Variants in SP140 observed in about 807,000 individuals in gnomAD.
SP140 encodes SP140 nuclear body protein.
SP140 carries 81 observed loss-of-function variants against 125.0 expected under a neutral mutation model. The observed-to-expected ratio is 0.65, with a 90% CI of 0.54 to 0.78. SP140 has a LOEUF of 0.78. Among genes scored for constraint, SP140 ranks in the 30% least tolerant of loss-of-function variants. SP140 has a pLI of 0.00. For missense variants in SP140, 858 were observed against 1,037.0 expected, an observed-to-expected ratio of 0.83 and a Z score of 2.37; for synonymous variants, 312 against 354.0, an observed-to-expected ratio of 0.88 and a Z score of 1.33.
At chr2:230,197,227 T>C in the SP140 span, among the ~76,000 whole-genome samples, 10 of 150,194 alleles carry the variant, frequency 6.7e-5, no homozygotes, top group Non-Finnish European at 1.5e-4. Context: ...TTTTTAATGA[T>C]TGCCATTCTA....
intron 6 of SP140, among the ~76,000 whole-genome samples, 186 bp from the exon 7 acceptor site, chr2:230,245,677 A>AGAGAG (rs1407922269): frequency 6.6e-6 from 1 of 152,012 alleles, no homozygotes; most frequent in Admixed American, 6.6e-5. Flanking sequence ...AAAGAAGGAG[A>AGAGAG]GAGAGGGAGA....
chr2:230,259,904 C>A (rs1291910748), intron 12 of SP140, among the ~76,000 whole-genome samples: 1 of 151,684 alleles, frequency 6.6e-6, no homozygotes, highest in Non-Finnish European at 1.5e-5. Flanking sequence ...TATAAACATG[C>A]ATGTGCAAGT....
chr2:230,272,228 A>G (rs1413651400), intron 15 of SP140, among the ~76,000 whole-genome samples: 3 of 152,200 alleles, frequency 2.0e-5, no homozygotes, highest in Non-Finnish European at 4.4e-5. Context: ...TAGAATTCAC[A>G]TGGAACCAAA....
chr2:230,226,762 C>CAA (rs11323886), intron 1 of SP140, among the ~76,000 whole-genome samples: 1 of 94,262 alleles, frequency 1.1e-5, no homozygotes, highest in Admixed American at 1.2e-4. Flanking sequence ...AATTCCATCT[C>CAA]AAAAAAAAAA....
At chr2:230,282,589 G>A (rs2055747300) in intron 15 of SP140, among the ~76,000 whole-genome samples, 4 of 152,036 alleles carry the variant, frequency 2.6e-5, no homozygotes. Context: ...TTGAGGTCAG[G>A]AGTTCAAAAA....
At chr2:230,195,835 T>C in the SP140 span, among the ~76,000 whole-genome samples, 2 of 152,026 alleles carry the variant, frequency 1.3e-5, no homozygotes, top group African/African-American at 4.8e-5. Flanking sequence ...CCCGACACTA[T>C]TAAAGCAAAA....
intron 22 of SP140, among the ~76,000 whole-genome samples, chr2:230,307,174 A>G (rs73106397): frequency 0.03 from 4,522 of 152,248 alleles, 197 homozygotes; most frequent in African/African-American, 0.095. Context: ...TGAGGGCTGA[A>G]CACTCGTCAG....
intron 22 of SP140, among the ~76,000 whole-genome samples, chr2:230,297,792 A>AG (rs1035174577): frequency 2.0e-5 from 3 of 152,208 alleles, no homozygotes; most frequent in Non-Finnish European, 2.9e-5. Context: ...CCTGGTGATT[A>AG]GGGGGAAGGA....
intron 15 of SP140, among the ~76,000 whole-genome samples, chr2:230,274,595 T>C (rs377360736): frequency 6.6e-6 from 1 of 152,074 alleles, no homozygotes; most frequent in Non-Finnish European, 1.5e-5. Context: ...TTTCCAACCC[T>C]CAGAATTATG....
Position 230,237,139 on chromosome 2 carries a change from C to T in SP140, c.116C>T (p.Pro39Leu), listed in dbSNP as rs1266076179. 6.2e-7 allele frequency: 1 copy of T among 1,613,162 alleles called. No individual in the cohort carries two copies. The highest frequency in any genetic ancestry group is 1.3e-5 in the African/African-American group (1 of 74,846). ...CAGAACCTGCAGGAGCAGGTTTGCCCTGAGCCCATTTTCAGGTTCTTCAGA... is the reference window on the plus strand; with the variant it reads ...CAGAACCTGCAGGAGCAGGTTTGCCTTGAGCCCATTTTCAGGTTCTTCAGA... Reference protein sequence around the residue: ...EGQNLQEQVCPEPIFRFFREN... With the variant: ...EGQNLQEQVCLEPIFRFFREN... Residue 39 changes from proline (P) to leucine (L), a missense_variant, in exon 2 of 27, where the codon CCT becomes CTT. Physicochemically the swap from Pro to Leu is moderately conservative, Grantham distance 98. This residue lies in a region of SP140 where 791 missense variants were observed against 869.5 expected (regional missense o/e 0.91). Transcript: ENST00000392045. This position sits in a 1 kb window ranked among gnomAD's most constrained non-coding sequence, Gnocchi z 5.4.
At chr2:230,274,001 A>AT (rs1308078779) in intron 15 of SP140, among the ~76,000 whole-genome samples, 1 of 152,138 alleles carries the variant, frequency 6.6e-6, no homozygotes, top group Admixed American at 6.6e-5. Context: ...AAAATAACTA[A>AT]TAAGTATGAG....
At chr2:230,195,004 T>C in the SP140 span, among the ~76,000 whole-genome samples, 1 of 151,908 alleles carries the variant, frequency 6.6e-6, no homozygotes, top group Non-Finnish European at 1.5e-5. Flanking sequence ...AGGGGCCTGA[T>C]AAACACCAAG....
chr2:230,216,924 A>C (rs2045250669), intron 3 of SP140: 2 of 1,613,470 alleles, frequency 1.2e-6, no homozygotes, highest in South Asian at 2.2e-5. Context: ...GTCATGGTGA[A>C]CATCCTATGG....
rs75186037 is a variant in SP140, at chr2:230,310,207, A to G, written c.2174+168A>G. On this transcript the variant is annotated intron_variant, in intron 23 of 26. Coordinates refer to ENST00000392045, the MANE Select transcript of SP140 (RefSeq NM_007237.5). ...GAGAGCAGTGGGAGACGCTGGCAGC[A>G]GGAGGTTAATGTCCTCTGTGCTCTC... The G allele has an allele frequency of 2.3e-5, 15 of 638,950 alleles. No individual in the cohort carries two copies. In the East Asian group the frequency reaches 3.6e-4, roughly 16 times the overall value. 39.6% of individuals were successfully genotyped at this position (638,950 alleles called of 1,614,324 possible).
intron 7 of SP140, among the ~76,000 whole-genome samples, chr2:230,247,362 G>A (rs1360123295): frequency 6.6e-6 from 1 of 152,102 alleles, no homozygotes; most frequent in Non-Finnish European, 1.5e-5. Flanking sequence ...CATTCTTGAA[G>A]CAGAAACCTA....
chr2:230,227,582 A>G (rs986920884), intron 1 of SP140, among the ~76,000 whole-genome samples: 2 of 152,216 alleles, frequency 1.3e-5, no homozygotes, highest in Admixed American at 1.3e-4. Flanking sequence ...CTGGAGGGCT[A>G]TTAATTATCG....
At chr2:230,290,432 G>A in intron 18 of SP140, 28 bp from the exon 19 acceptor site, 1 of 1,608,206 alleles carries the variant, frequency 6.2e-7, no homozygotes, top group Non-Finnish European at 8.5e-7. Context: ...TGCAAAGTGA[G>A]ACAGAATGAA....
At chr2:230,208,981 G>A (rs914269746) in intron 1 of SP140, among the ~76,000 whole-genome samples, 4 of 152,196 alleles carry the variant, frequency 2.6e-5, no homozygotes, top group Non-Finnish European at 4.4e-5. Flanking sequence ...AGGAGGAAAG[G>A]CCAGTGGACT....
intron 10 of SP140, among the ~76,000 whole-genome samples, chr2:230,252,538 A>G (rs576796678): frequency 1.3e-5 from 2 of 152,168 alleles, no homozygotes; most frequent in South Asian, 2.1e-4. Flanking sequence ...AGAAGCAGAG[A>G]CATGTGTCAA....
Sources: allele counts gnomAD v4.1 joint callset (sites outside exome capture counted in the v4.1 genomes callset), GRCh38; gene constraint gnomAD v4.1.1; regional missense constraint gnomAD v4.1.1; non-coding constraint Gnocchi (gnomAD v3.1); transcripts MANE v1.5; gene names NCBI Gene and HGNC (gene_info 2026-07-23, HGNC 2026-07-21).